The following PRPF3 variants were observed in gnomAD, a reference collection of about 807,000 sequenced individuals.
The protein encoded by PRPF3 is pre-mRNA processing factor 3, also known as U4/U6 small nuclear ribonucleoprotein Prp3.
A neutral mutation model predicts 89.2 loss-of-function variants in PRPF3; 3 were observed. The observed-to-expected ratio is 0.03, with a 90% CI of 0.02 to 0.09. The LOEUF (loss-of-function observed/expected upper bound fraction) is 0.09, where lower values mean the gene tolerates loss of function less well. Among genes scored for constraint, PRPF3 ranks in the 10% least tolerant of loss-of-function variants. PRPF3 has a pLI of 1.00. For synonymous variants in PRPF3, 270 were observed against 289.1 expected, an observed-to-expected ratio of 0.93 and a Z score of 0.67; for missense variants, 463 against 828.8, an observed-to-expected ratio of 0.56 and a Z score of 5.42.
At chr1:150,323,172 G>GTTTTTT (rs1553862651) in intron 1 of PRPF3, among the ~76,000 whole-genome samples, 5 of 26,948 alleles carry the variant, frequency 1.9e-4, no homozygotes, top group South Asian at 2.4e-3. Context: ...ACCGCACCTG[G>GTTTTTT]CTTTTTTTTT....
chr1:150,344,703 A>G (rs1292404721), intron 12 of PRPF3, among the ~76,000 whole-genome samples, 156 bp downstream of exon 12: 1 of 151,756 alleles, frequency 6.6e-6, no homozygotes. Flanking sequence ...TAAATCTTGT[A>G]AAATAGCGAG....
At chr1:150,325,665 T>C in intron 2 of PRPF3, 86 bp from the exon 3 acceptor site, 1 of 1,533,936 alleles carries the variant, frequency 6.5e-7, no homozygotes, top group Non-Finnish European at 9.0e-7. Flanking sequence ...GGGAATAAAA[T>C]TCCAGTGTTG....
intron 1 of PRPF3, among the ~76,000 whole-genome samples, chr1:150,321,820 A>G (rs1344015089): frequency 2.0e-5 from 3 of 152,088 alleles, no homozygotes; most frequent in Non-Finnish European, 4.4e-5. Context: ...GAGTTTAGGT[A>G]GAACAAGGTA....
At chr1:150,330,718 C>G (rs1553865233) in intron 4 of PRPF3, among the ~76,000 whole-genome samples, 2 of 13,408 alleles carry the variant, frequency 1.5e-4, no homozygotes, top group African/African-American at 6.3e-4. Context: ...TGTTATGTTT[C>G]TTTCTTTTTT....
intron 4 of PRPF3, among the ~76,000 whole-genome samples, chr1:150,330,952 C>T (rs1247234834): frequency 3.3e-5 from 5 of 151,792 alleles, no homozygotes; most frequent in South Asian, 2.1e-4. Flanking sequence ...CTCCTGACCT[C>T]GTGATCCGCC....
Position 150,346,594 on chromosome 1 carries a change from CTAGA to C in PRPF3, c.1843+107_1843+110del, listed in dbSNP as rs201979121. On this transcript the variant is annotated intron_variant, in intron 14 of 15. Transcript: ENST00000324862. ...CCTCCCTGTGACACTCTTGATAACACTAGATAGTGTTCAGGAATTTTAGAAAGAC... is the reference window on the plus strand; with the variant it reads ...CCTCCCTGTGACACTCTTGATAACACTAGTGTTCAGGAATTTTAGAAAGAC... The C allele has an allele frequency of 4.1e-3, 5,004 of 1,211,892 alleles. 120 individuals carry two copies. The African/African-American group carries it at 0.055, about 13-fold the overall frequency. 75.1% of individuals were successfully genotyped at this position (1,211,892 alleles called of 1,614,324 possible).
At chr1:150,322,030 AC>A (rs1655104950) in intron 1 of PRPF3, among the ~76,000 whole-genome samples, 1 of 151,808 alleles carries the variant, frequency 6.6e-6, no homozygotes, top group African/African-American at 2.4e-5. Flanking sequence ...CACCCCCACT[AC>A]CCCCGCACCT....
intron 15 of PRPF3, among the ~76,000 whole-genome samples, chr1:150,349,848 T>C (rs868965102): frequency 4.8e-5 from 7 of 146,574 alleles, no homozygotes; most frequent in African/African-American, 7.5e-5. Context: ...GTTTTCATGT[T>C]TGCTTTTAGG....
At chr1:150,338,124 A>G in intron 7 of PRPF3, 36 bp from the exon 8 acceptor site, 1 of 1,606,186 alleles carries the variant, frequency 6.2e-7, no homozygotes, top group Non-Finnish European at 8.5e-7. Flanking sequence ...CTATGACTCC[A>G]ATTTATCTTT....
At chr1:150,335,486 A>G (rs1656862277) in intron 7 of PRPF3, among the ~76,000 whole-genome samples, 1 of 151,926 alleles carries the variant, frequency 6.6e-6, no homozygotes, top group African/African-American at 2.4e-5. Context: ...TTTTTTCGAG[A>G]TGGAGTGTCG....
At chr1:150,340,847 T>G (rs1657617853) in intron 9 of PRPF3, among the ~76,000 whole-genome samples, 1 of 152,066 alleles carries the variant, frequency 6.6e-6, no homozygotes, top group East Asian at 1.9e-4. Flanking sequence ...TGGTGGCTTA[T>G]GCCTGTAATC....
At chr1:150,338,379 T>C in intron 8 of PRPF3, 53 bp downstream of exon 8, 1 of 1,547,772 alleles carries the variant, frequency 6.5e-7, no homozygotes, top group South Asian at 1.1e-5. Flanking sequence ...CAGCTGAGTT[T>C]AAGACTCAAG....
At position 150,335,079 on chromosome 1, in the gene PRPF3, A is replaced by G. The variant is rs587605872; in HGVS notation, c.873A>G (p.Glu291=). The G allele has an allele frequency of 6.2e-7, 1 of 1,614,140 alleles. No individual in the cohort carries two copies. Among genetic ancestry groups the G allele is most frequent in the South Asian group, 1.1e-5 (1 of 91,086 alleles). ...CCAATATTCGTGCTGTGAAGAGGGA[A>G]CAATTCAAGCAACAACTAAAGGAAA... ...LKANIRAVKR[E]QFKQQLKEKP... The change falls in exon 7 of 16, where the codon GAA becomes GAG. Residue 291 remains glutamate (E), a synonymous_variant. Coordinates refer to ENST00000324862, the MANE Select transcript of PRPF3 (RefSeq NM_004698.4).
At chr1:150,351,251 C>T (rs904610543) in intron 15 of PRPF3, among the ~76,000 whole-genome samples, 17 of 151,974 alleles carry the variant, frequency 1.1e-4, no homozygotes, top group Non-Finnish European at 2.5e-4. Context: ...GGTGACAGTG[C>T]GAGACTGTGT....
intron 4 of PRPF3, among the ~76,000 whole-genome samples, chr1:150,331,375 C>CTT (rs1459678100): frequency 1.3e-5 from 2 of 150,304 alleles, no homozygotes; most frequent in South Asian, 2.1e-4. Context: ...TCTTTCTTTA[C>CTT]TTATTTAGAG....
chr1:150,324,835 C>A, intron 1 of PRPF3, 60 bp from the exon 2 acceptor site: 1 of 1,395,468 alleles, frequency 7.2e-7, no homozygotes, highest in Non-Finnish European at 9.9e-7. Context: ...GCATGAGCCA[C>A]TGCACCCAGC....
intron 15 of PRPF3, among the ~76,000 whole-genome samples, chr1:150,350,345 G>A (rs1658797276): frequency 6.6e-6 from 1 of 152,008 alleles, no homozygotes; most frequent in Admixed American, 6.6e-5. Flanking sequence ...GGAATTACAG[G>A]CATGAGCCAC....
At chr1:150,331,939 T>C (rs1345757787) in intron 4 of PRPF3, among the ~76,000 whole-genome samples, 1 of 151,864 alleles carries the variant, frequency 6.6e-6, no homozygotes, top group Non-Finnish European at 1.5e-5. Flanking sequence ...AAAAATTAAG[T>C]ATAGGCTGGG....
intron 12 of PRPF3, 163 bp from the exon 13 acceptor site, chr1:150,345,855 A>C: frequency 1.4e-6 from 1 of 721,684 alleles, no homozygotes; most frequent in Non-Finnish European, 2.5e-6. Flanking sequence ...AAATATTTCT[A>C]GACTCATCAA....
Sources: gnomAD v4.1 joint callset for allele counts (sites outside exome capture counted in the v4.1 genomes callset) on GRCh38, gnomAD v4.1.1 for gene constraint, MANE v1.5 for transcripts, NCBI Gene and HGNC (gene_info 2026-07-23, HGNC 2026-07-21) for gene names.